The following EXOC6B variants were observed in gnomAD, a reference collection of about 807,000 sequenced individuals.
EXOC6B encodes the protein exocyst complex component 6B.
Under a neutral mutation model 113.5 loss-of-function variants are expected in EXOC6B, and 54 were observed. The ratio of observed to expected loss-of-function variants is 0.48; its 90% CI spans 0.38 to 0.60. The LOEUF (loss-of-function observed/expected upper bound fraction) is 0.60. Among genes scored for constraint, EXOC6B ranks in the 20% least tolerant of loss-of-function variants. The pLI, the probability that EXOC6B is intolerant of heterozygous loss-of-function variation, is 0.00. For missense variants in EXOC6B, 797 were observed against 977.5 expected, an observed-to-expected ratio of 0.82 and a Z score of 2.46; for synonymous variants, 357 against 339.0, an observed-to-expected ratio of 1.05 and a Z score of -0.58.
chr2:72,521,842 G>A (rs547523844), intron 8 of EXOC6B, among the ~76,000 whole-genome samples: 89 of 152,128 alleles, frequency 5.9e-4, no homozygotes, highest in African/African-American at 2.0e-3. Context: ...GACTATAGGT[G>A]CATGCCACCA....
At chr2:72,781,632 T>C (rs778221780) in intron 1 of EXOC6B, among the ~76,000 whole-genome samples, 28 of 152,148 alleles carry the variant, frequency 1.8e-4, no homozygotes, top group Non-Finnish European at 3.5e-4. Flanking sequence ...ACAGATCGCA[T>C]GTGGCCTGCA....
intron 8 of EXOC6B, among the ~76,000 whole-genome samples, chr2:72,545,878 T>A (rs928004831): frequency 6.6e-6 from 1 of 152,218 alleles, no homozygotes; most frequent in African/African-American, 2.4e-5. Flanking sequence ...CAACTAAAGT[T>A]CTTTAAACAA....
At chr2:72,265,535 A>G (rs1240305410) in intron 20 of EXOC6B, among the ~76,000 whole-genome samples, 1 of 151,678 alleles carries the variant, frequency 6.6e-6, no homozygotes, top group Non-Finnish European at 1.5e-5. Context: ...TAGTTTACTG[A>G]GAATGATGAT....
intron 7 of EXOC6B, among the ~76,000 whole-genome samples, chr2:72,571,796 T>G (rs1007104962): frequency 5.9e-5 from 9 of 152,202 alleles, no homozygotes; most frequent in Non-Finnish European, 1.0e-4. Context: ...AGGTTAACAA[T>G]GTATTAACTG....
At chr2:72,657,923 A>G (rs1469837356) in intron 6 of EXOC6B, among the ~76,000 whole-genome samples, 5 of 151,374 alleles carry the variant, frequency 3.3e-5, no homozygotes. Flanking sequence ...GGTCACTTCT[A>G]AGTATTAATT....
chr2:72,210,340 C>T (rs1034027576), intron 20 of EXOC6B, among the ~76,000 whole-genome samples: 6 of 152,174 alleles, frequency 3.9e-5, no homozygotes, highest in Admixed American at 2.6e-4. Flanking sequence ...TTATGGACGG[C>T]ATATTGCTAA....
At chr2:72,483,002 T>C (rs1007800850) in intron 16 of EXOC6B, among the ~76,000 whole-genome samples, 3 of 152,190 alleles carry the variant, frequency 2.0e-5, no homozygotes, top group Non-Finnish European at 4.4e-5. Context: ...AGCTCTCCTT[T>C]CCATTCATTC....
intron 11 of EXOC6B, among the ~76,000 whole-genome samples, chr2:72,505,001 G>T (rs1700523915): frequency 6.6e-6 from 1 of 152,050 alleles, no homozygotes; most frequent in Non-Finnish European, 1.5e-5. Flanking sequence ...TTCCAAATTA[G>T]TTCGTGCTGT....
intron 20 of EXOC6B, among the ~76,000 whole-genome samples, chr2:72,279,719 T>C (rs1685014834): frequency 6.6e-6 from 1 of 152,134 alleles, no homozygotes; most frequent in African/African-American, 2.4e-5. Context: ...GCTCAAGCCA[T>C]GCTCCCACCT....
intron 17 of EXOC6B, among the ~76,000 whole-genome samples, chr2:72,466,598 C>T (rs888064727): frequency 2.0e-5 from 3 of 152,058 alleles, no homozygotes; most frequent in Non-Finnish European, 4.4e-5. Context: ...TATTTACATA[C>T]TATAACATAG....
At chr2:72,406,722 A>G (rs1693797056) in intron 18 of EXOC6B, among the ~76,000 whole-genome samples, 1 of 152,214 alleles carries the variant, frequency 6.6e-6, no homozygotes, top group African/African-American at 2.4e-5. Context: ...AGGGAAATTT[A>G]TAACACTAAA....
chr2:72,658,289 A>AAAAAAAAAAAAAAAAAAAG (rs1674754046), intron 6 of EXOC6B, among the ~76,000 whole-genome samples: 3 of 3,730 alleles, frequency 8.0e-4, no homozygotes, highest in Non-Finnish European at 1.8e-3. Flanking sequence ...AAACTAGTAA[A>AAAAAAAAAAAAAAAAAAAG]AAAAAAAAAA....
chr2:72,778,460 A>T (rs142528785), intron 1 of EXOC6B, among the ~76,000 whole-genome samples: 294 of 152,336 alleles, frequency 1.9e-3, no homozygotes, highest in African/African-American at 6.8e-3. Context: ...TCTATTCTGC[A>T]TACTGCTCCT....
At chr2:72,796,635 C>T (rs1684968778) in intron 1 of EXOC6B, among the ~76,000 whole-genome samples, 1 of 152,068 alleles carries the variant, frequency 6.6e-6, no homozygotes, top group South Asian at 2.1e-4. Context: ...CCTCCACTTT[C>T]ATGTCTCTAT....
chr2:72,404,949 A>T (rs891628279), intron 18 of EXOC6B, among the ~76,000 whole-genome samples: 2 of 152,172 alleles, frequency 1.3e-5, no homozygotes, highest in East Asian at 3.9e-4. Context: ...CAAAGAAGTT[A>T]AAAACCTTGA....
intron 18 of EXOC6B, among the ~76,000 whole-genome samples, chr2:72,436,760 A>G (rs966104417): frequency 5.9e-5 from 9 of 151,904 alleles, no homozygotes; most frequent in African/African-American, 2.2e-4. Context: ...CAGGTCCCTT[A>G]TGTTCTTTTC....
chr2:72,631,455 TATATATAGAGAGAGAGAGAGAG>T lies in EXOC6B; in HGVS notation c.670-55809_670-55788del, dbSNP rs1672442567. Among the ~76,000 whole-genome samples, 33 of 18,358 alleles carry T rather than the reference TATATATAGAGAGAGAGAGAGAG, an allele frequency of 1.8e-3. 1 individual carries two copies. The highest frequency in any genetic ancestry group is 5.2e-3 in the African/African-American group (33 of 6,374). 12.0% of individuals were successfully genotyped at this position (18,358 alleles called of 152,430 possible). A position where few individuals can be genotyped will look rare whatever the true frequency, so the allele number is the denominator to read the frequency against. ...ATATATATATATATATATATATATATATATATAGAGAGAGAGAGAGAGAGAGAGAGAGAGAGAGAGAGAGAGA... is the reference window on the plus strand; with the variant it reads ...ATATATATATATATATATATATATATAGAGAGAGAGAGAGAGAGAGAGAGA... On this transcript the variant is annotated intron_variant, in intron 6 of 21. Transcript: ENST00000272427.
At chr2:72,666,739 T>C (rs575775282) in intron 6 of EXOC6B, among the ~76,000 whole-genome samples, 3 of 149,608 alleles carry the variant, frequency 2.0e-5, no homozygotes, top group East Asian at 2.0e-4. Flanking sequence ...AATTACATTA[T>C]AGCAGAGAAG....
At chr2:72,463,140 C>T (rs574276032) in intron 18 of EXOC6B, 7 of 152,142 alleles carry the variant, frequency 4.6e-5, no homozygotes, top group African/African-American at 1.7e-4. Context: ...AAATCCTACA[C>T]ACTAGTACAA....
Sources: allele counts gnomAD v4.1 joint callset (sites outside exome capture counted in the v4.1 genomes callset), GRCh38; gene constraint gnomAD v4.1.1; transcripts MANE v1.5; gene names NCBI Gene and HGNC (gene_info 2026-07-23, HGNC 2026-07-21).